ADAMTS9: variants seen among roughly 807,000 people sequenced by gnomAD.
The protein encoded by ADAMTS9 is ADAM metallopeptidase with thrombospondin type 1 motif 9, also known as A disintegrin and metalloproteinase with thrombospondin motifs 9.
In ADAMTS9, 107 loss-of-function variants were observed where a neutral mutation model predicts 257.1. The observed-to-expected ratio is 0.42, with a 90% CI of 0.36 to 0.49. The LOEUF is 0.49. Among genes scored for constraint, ADAMTS9 ranks in the 20% least tolerant of loss-of-function variants. The probability of loss-of-function intolerance (pLI) is 0.03; values close to 1 mark genes in which losing one functional copy is unlikely to be tolerated. For missense variants in ADAMTS9, 2,353 were observed against 2,469.1 expected, an observed-to-expected ratio of 0.95 and a Z score of 1.00; for synonymous variants, 982 against 880.9, an observed-to-expected ratio of 1.11 and a Z score of -2.03.
At chr3:64,611,229 A>G (rs1405189318) in intron 22 of ADAMTS9, among the ~76,000 whole-genome samples, 1 of 152,228 alleles carries the variant, frequency 6.6e-6, no homozygotes, top group Non-Finnish European at 1.5e-5. Context: ...CAATAGCCAA[A>G]GGTAGAAACA....
intron 12 of ADAMTS9, among the ~76,000 whole-genome samples, chr3:64,640,220 G>C (rs1261294062): frequency 2.6e-5 from 4 of 152,014 alleles, no homozygotes; most frequent in African/African-American, 9.7e-5. Flanking sequence ...AATAAGGTTG[G>C]GTTATGAACA....
intron 22 of ADAMTS9, among the ~76,000 whole-genome samples, chr3:64,607,808 T>C (rs2084586217): frequency 6.6e-6 from 1 of 152,278 alleles, no homozygotes; most frequent in East Asian, 1.9e-4. Flanking sequence ...CCACTCAATT[T>C]TGGCATTTCT....
chr3:64,570,726 GT>G (rs1470137761), intron 28 of ADAMTS9, among the ~76,000 whole-genome samples: 1 of 136,022 alleles, frequency 7.4e-6, no homozygotes, highest in Non-Finnish European at 1.6e-5. Context: ...AAAAAAAGAT[GT>G]ATTTTTTTGA....
chr3:64,613,244 G>T, intron 22 of ADAMTS9, 101 bp downstream of exon 22: 1 of 1,415,886 alleles, frequency 7.1e-7, no homozygotes, highest in Non-Finnish European at 9.6e-7. Flanking sequence ...ATGCCACCCG[G>T]CACAGCGGTT....
chr3:64,557,140 G>A (rs1013408554), intron 30 of ADAMTS9, among the ~76,000 whole-genome samples: 1 of 152,156 alleles, frequency 6.6e-6, no homozygotes, highest in Non-Finnish European at 1.5e-5. Context: ...CATCTAGGTT[G>A]AGGCCTGAAG....
intron 3 of ADAMTS9, among the ~76,000 whole-genome samples, chr3:64,680,159 T>C (rs1559825206): frequency 6.6e-6 from 1 of 152,210 alleles, no homozygotes; most frequent in Non-Finnish European, 1.5e-5. Context: ...CCACATGCTA[T>C]CCCAGTGAAC....
intron 29 of ADAMTS9, among the ~76,000 whole-genome samples, chr3:64,567,791 G>A (rs2083579374): frequency 6.6e-6 from 1 of 151,706 alleles, no homozygotes; most frequent in Admixed American, 6.6e-5. Flanking sequence ...AAAGCGCTGG[G>A]CATTCATGAT....
chr3:64,665,078 G>A (rs1701318836), intron 3 of ADAMTS9, among the ~76,000 whole-genome samples: 1 of 152,158 alleles, frequency 6.6e-6, no homozygotes, highest in Admixed American at 6.5e-5. Flanking sequence ...GAAGAAAAGT[G>A]TAATACTTAG....
At chr3:64,531,868 A>C (rs1273276859) in intron 38 of ADAMTS9, among the ~76,000 whole-genome samples, 1 of 152,186 alleles carries the variant, frequency 6.6e-6, no homozygotes, top group Non-Finnish European at 1.5e-5. Flanking sequence ...GGACGGGAGA[A>C]ATGGGCCATG....
At chr3:64,635,505 G>A (rs1407120845) in intron 12 of ADAMTS9, among the ~76,000 whole-genome samples, 1 of 152,176 alleles carries the variant, frequency 6.6e-6, no homozygotes, top group East Asian at 1.9e-4. Context: ...GTCTGTTTCT[G>A]CATTAAGCAC....
chr3:64,657,371 C>G (rs1416153019), intron 4 of ADAMTS9, among the ~76,000 whole-genome samples: 15 of 152,184 alleles, frequency 9.9e-5, no homozygotes, highest in Non-Finnish European at 1.5e-5. Flanking sequence ...GGGTCTCACT[C>G]TGTCTCCAAG....
intron 30 of ADAMTS9, among the ~76,000 whole-genome samples, chr3:64,552,460 G>A (rs936322089): frequency 6.6e-6 from 1 of 152,154 alleles, no homozygotes; most frequent in East Asian, 1.9e-4. Context: ...CCTGTACCAA[G>A]GACTGCTGCA....
chr3:64,615,297 G>C, intron 21 of ADAMTS9, 24 bp downstream of exon 21: 1 of 1,610,520 alleles, frequency 6.2e-7, no homozygotes, highest in Non-Finnish European at 8.5e-7. Flanking sequence ...TGACCTAGGG[G>C]AAATAACAGC....
chr3:64,598,696 T>C (rs1292414779), intron 26 of ADAMTS9, among the ~76,000 whole-genome samples: 2 of 152,134 alleles, frequency 1.3e-5, no homozygotes, highest in Admixed American at 6.5e-5. Context: ...ATTAGCTTTG[T>C]TTGGGGACCA....
intron 37 of ADAMTS9, among the ~76,000 whole-genome samples, chr3:64,537,332 T>A (rs551347904): frequency 6.6e-6 from 1 of 152,066 alleles, no homozygotes; most frequent in African/African-American, 2.4e-5. Flanking sequence ...AACAAGAAAA[T>A]CCTGAGACAT....
At chr3:64,611,091 A>G (rs1324587606) in intron 22 of ADAMTS9, among the ~76,000 whole-genome samples, 1 of 151,394 alleles carries the variant, frequency 6.6e-6, no homozygotes, top group African/African-American at 2.4e-5. Context: ...AAAAAAAAAA[A>G]AAAAAAAAAG....
chr3:64,539,350 A>G, intron 36 of ADAMTS9, 56 bp from the exon 37 acceptor site: 1 of 1,390,888 alleles, frequency 7.2e-7, no homozygotes, highest in Non-Finnish European at 1.0e-6. Context: ...GAGAAAGGCA[A>G]GGAAGGAACA....
chr3:64,517,429 T>TTTTTTTTTTTTTTTG lies in ADAMTS9; in HGVS notation c.*6-309_*6-308insCAAAAAAAAAAAAAA, dbSNP rs1321284198. 3.6e-3 allele frequency among the ~76,000 whole-genome samples: 475 copies of TTTTTTTTTTTTTTTG among 130,642 alleles called. 85 individuals carry two copies. Among genetic ancestry groups the TTTTTTTTTTTTTTTG allele is most frequent in the South Asian group, 6.8e-3 (23 of 3,374 alleles). The allele number at this position is 130,642 out of a possible 152,430, so 85.7% of individuals were successfully genotyped here. A position where few individuals can be genotyped will look rare whatever the true frequency, so the allele number is the denominator to read the frequency against. Reference sequence around the variant, plus strand: ...TAATTAAAAATGGTTTTTTTTTTTTTTTTTTTTTTTGCAGAAATGGGAGTC... The same window carrying TTTTTTTTTTTTTTTG: ...TAATTAAAAATGGTTTTTTTTTTTTTTTTTTTTTTTTTTTGTTTTTTTTTTGCAGAAATGGGAGTC... On this transcript the variant is annotated intron_variant, in intron 39 of 39. Coordinates refer to ENST00000498707, the MANE Select transcript of ADAMTS9 (RefSeq NM_182920.2).
chr3:64,622,570 T>C lies in ADAMTS9; in HGVS notation c.2406A>G (p.Lys802=). Residue 802 remains lysine, a synonymous_variant, in exon 17 of 40, where the codon AAA becomes AAG. Coordinates refer to ENST00000498707, the MANE Select transcript of ADAMTS9 (RefSeq NM_182920.2). ...AGTTTCCATTTAGCAAGAATTCACC[T>C]TTACTGCTTGATAAAGCTGTAGGTG... ...DDNYLALSSS[K]GEFLLNGNFV... is the part of the protein sequence containing the mutation. The C allele has an allele frequency of 1.9e-6, 3 of 1,614,040 alleles. No individual in the cohort carries two copies. The South Asian group carries it at 3.3e-5, about 18-fold the overall frequency.
Sources: allele counts gnomAD v4.1 joint callset (sites outside exome capture counted in the v4.1 genomes callset), GRCh38; gene constraint gnomAD v4.1.1; transcripts MANE v1.5; gene names NCBI Gene and HGNC (gene_info 2026-07-23, HGNC 2026-07-21).